MCHR2: variants seen among roughly 807,000 people sequenced by gnomAD.
The protein encoded by MCHR2 is melanin-concentrating hormone receptor 2.
A neutral mutation model predicts 24.8 loss-of-function variants in MCHR2; 15 were observed. The observed-to-expected ratio is 0.60, with a 90% CI of 0.40 to 0.93. The LOEUF is 0.93. MCHR2 is among the 40% of genes least tolerant of loss of function. The pLI, the probability that MCHR2 is intolerant of heterozygous loss-of-function variation, is 0.00. For missense variants in MCHR2, 386 were observed against 408.7 expected, an observed-to-expected ratio of 0.94 and a Z score of 0.48; for synonymous variants, 151 against 147.6, an observed-to-expected ratio of 1.02 and a Z score of -0.17.
At chr6:99,965,693 A>C (rs1160658758) in intron 1 of MCHR2, among the ~76,000 whole-genome samples, 1 of 152,140 alleles carries the variant, frequency 6.6e-6, no homozygotes, top group Non-Finnish European at 1.5e-5. Flanking sequence ...CACTTCTATA[A>C]GTTTAAAAAA....
At position 99,942,998 on chromosome 6, in the gene MCHR2, C is replaced by T. The variant is rs773242447; in HGVS notation, c.538G>A (p.Gly180Ser). ...AAATCAAAAGCACAACTCTCAACACCGTCTTTAAATTTGATGACCTTCGAG... is the reference window on the plus strand; with the variant it reads ...AAATCAAAAGCACAACTCTCAACACTGTCTTTAAATTTGATGACCTTCGAG... Reference protein sequence around the residue: ...VYSKVIKFKDGVESCAFDLTS... With the variant: ...VYSKVIKFKDSVESCAFDLTS... Residue 180 changes from glycine (G) to serine (S), a missense_variant, in exon 4 of 6, where the codon GGT becomes AGT. Transcript: ENST00000281806. The T allele has an allele frequency of 1.2e-5, 20 of 1,612,786 alleles. No homozygotes were observed. The highest frequency in any genetic ancestry group is 2.2e-5 in the East Asian group (1 of 44,846).
chr6:99,942,961 T>A lies in MCHR2; in HGVS notation c.575A>T (p.Asp192Val). 6.2e-7 allele frequency: 1 copy of A among 1,611,424 alleles called. No individual in the cohort carries two copies. The highest frequency in any genetic ancestry group is 8.5e-7 in the Non-Finnish European group (1 of 1,178,536). Residue 192 changes from aspartate to valine, a missense_variant, in exon 4 of 6, where the codon GAC becomes GTC. By Grantham distance (152) the Asp-to-Val change is radical (BLOSUM62 -3). Coordinates refer to ENST00000281806, the MANE Select transcript of MCHR2 (RefSeq NM_001040179.2). Reference protein sequence around the residue: ...ESCAFDLTSPDDVLWYTLYLT... With the variant: ...ESCAFDLTSPVDVLWYTLYLT... Reference sequence around the variant, plus strand: ...TTTCACAACTTACCAGAGTACATCGTCAGGGGATGTCAAATCAAAAGCACA... The same window carrying A: ...TTTCACAACTTACCAGAGTACATCGACAGGGGATGTCAAATCAAAAGCACA...
intron 5 of MCHR2, among the ~76,000 whole-genome samples, chr6:99,923,923 G>A (rs999807910): frequency 6.6e-6 from 1 of 152,052 alleles, no homozygotes; most frequent in Non-Finnish European, 1.5e-5. Context: ...TAATACTGGT[G>A]TTGTAGAATG....
chr6:99,966,023 A>T (rs1222275725), intron 1 of MCHR2, among the ~76,000 whole-genome samples: 1 of 152,158 alleles, frequency 6.6e-6, no homozygotes, highest in Non-Finnish European at 1.5e-5. Context: ...TGTTATTGAC[A>T]ACTCCCAGGC....
chr6:99,987,333 A>G (rs1775788391), intron 1 of MCHR2, among the ~76,000 whole-genome samples: 1 of 152,272 alleles, frequency 6.6e-6, no homozygotes, highest in African/African-American at 2.4e-5. Flanking sequence ...GATATATTAC[A>G]CGAGGCCATA....
At chr6:99,933,617 G>A (rs906523895) in intron 5 of MCHR2, among the ~76,000 whole-genome samples, 2 of 149,230 alleles carry the variant, frequency 1.3e-5, no homozygotes, top group African/African-American at 4.9e-5. Context: ...TTGAGGAATG[G>A]TGGTTAAGTT....
intron 3 of MCHR2, among the ~76,000 whole-genome samples, chr6:99,943,809 A>C (rs773482273): frequency 4.6e-5 from 7 of 152,206 alleles, no homozygotes; most frequent in Non-Finnish European, 7.3e-5. Flanking sequence ...CTCTTTCTTT[A>C]CAAAGGGGCT....
chr6:99,960,075 G>A (rs1315026434), intron 1 of MCHR2, among the ~76,000 whole-genome samples: 2 of 151,924 alleles, frequency 1.3e-5, no homozygotes, highest in Non-Finnish European at 2.9e-5. Flanking sequence ...AAAGACAACA[G>A]AAAATTTTGA....
At chr6:99,969,368 G>A (rs760431930) in intron 1 of MCHR2, among the ~76,000 whole-genome samples, 73 of 151,294 alleles carry the variant, frequency 4.8e-4, no homozygotes, top group Admixed American at 5.9e-4. Context: ...CAGCTAGTCA[G>A]GAGGCTGAGG....
In MCHR2 at chr6:99,921,031, C is replaced by T. The variant is rs193149101; in HGVS notation, c.932G>A (p.Gly311Glu). ...INPFLYILLS[G>E]NFQKRLPQIQ... ...TTGAGGCAGACGTTTCTGGAAATTTCCACTCAGCAGGATGTAGAGAAAAGG... is the reference window on the plus strand; with the variant it reads ...TTGAGGCAGACGTTTCTGGAAATTTTCACTCAGCAGGATGTAGAGAAAAGG... The change falls in exon 6 of 6, where the codon GGA becomes GAA. Residue 311 changes from glycine (G) to glutamate (E), a missense_variant. Transcript: ENST00000281806. 71 of 1,614,128 alleles carry T rather than the reference C, an allele frequency of 4.4e-5. No homozygotes were observed. Among genetic ancestry groups the T allele is most frequent in the Non-Finnish European group, 5.7e-5 (67 of 1,180,012 alleles).
At chr6:99,925,763 G>A (rs1215981510) in intron 5 of MCHR2, among the ~76,000 whole-genome samples, 5 of 150,700 alleles carry the variant, frequency 3.3e-5, no homozygotes, top group Non-Finnish European at 7.4e-5. Context: ...TATTATCTAT[G>A]TCTTGAAAAG....
At chr6:99,930,871 C>T (rs1180381727) in intron 5 of MCHR2, among the ~76,000 whole-genome samples, 1 of 152,188 alleles carries the variant, frequency 6.6e-6, no homozygotes, top group Non-Finnish European at 1.5e-5. Context: ...AGCTTTGTTC[C>T]ATTGCTGGTG....
intron 1 of MCHR2, among the ~76,000 whole-genome samples, chr6:99,981,862 A>T (rs1420433312): frequency 6.6e-6 from 1 of 152,116 alleles, no homozygotes; most frequent in Admixed American, 6.5e-5. Context: ...GTATACTGTC[A>T]GGCTTTATAC....
intron 1 of MCHR2, among the ~76,000 whole-genome samples, chr6:99,961,656 C>T (rs546929593): frequency 4.3e-4 from 66 of 152,054 alleles, no homozygotes; most frequent in Non-Finnish European, 7.4e-4. Flanking sequence ...AGTTGAACAA[C>T]GAGAACACAT....
intron 5 of MCHR2, among the ~76,000 whole-genome samples, chr6:99,931,960 G>A (rs1255416789): frequency 2.0e-5 from 3 of 152,124 alleles, no homozygotes; most frequent in Non-Finnish European, 2.9e-5. Flanking sequence ...GACCGGAGCT[G>A]TTCCTATTCG....
chr6:99,981,717 T>G (rs1775672646), intron 1 of MCHR2, among the ~76,000 whole-genome samples: 1 of 152,218 alleles, frequency 6.6e-6, no homozygotes, highest in Admixed American at 6.5e-5. Context: ...TTCATATCTG[T>G]GCTTTCTCTC....
chr6:99,940,685 T>C (rs1774753489), intron 4 of MCHR2, among the ~76,000 whole-genome samples: 1 of 152,060 alleles, frequency 6.6e-6, no homozygotes, highest in South Asian at 2.1e-4. Flanking sequence ...TCTGTCTGAG[T>C]TGTTTTGGTT....
intron 2 of MCHR2, among the ~76,000 whole-genome samples, chr6:99,951,539 T>C (rs1774965827): frequency 6.6e-6 from 1 of 152,148 alleles, no homozygotes. Context: ...CGATTCAACT[T>C]CCTTAGATTC....
At chr6:99,944,951 G>A (rs1340383408) in intron 3 of MCHR2, among the ~76,000 whole-genome samples, 3 of 152,020 alleles carry the variant, frequency 2.0e-5, no homozygotes, top group Non-Finnish European at 4.4e-5. Flanking sequence ...CTACCTGCCT[G>A]GCAGGATCTG....
Sources: allele counts gnomAD v4.1 joint callset (sites outside exome capture counted in the v4.1 genomes callset), GRCh38; gene constraint gnomAD v4.1.1; transcripts MANE v1.5; gene names NCBI Gene and HGNC (gene_info 2026-07-23, HGNC 2026-07-21).